Variants in ADGRB1 observed in about 807,000 individuals in gnomAD.
The protein encoded by ADGRB1 is brain-specific angiogenesis inhibitor 1.
In ADGRB1, 36 loss-of-function variants were observed where a neutral mutation model predicts 175.7. The ratio of observed to expected loss-of-function variants is 0.20; its 90% CI spans 0.16 to 0.27. The LOEUF (loss-of-function observed/expected upper bound fraction) is 0.27, where lower values mean the gene tolerates loss of function less well. Ranked by LOEUF, ADGRB1 falls within the 10% of genes least tolerant of loss-of-function variation. The pLI is 1.00. For synonymous variants in ADGRB1, 1,054 were observed against 979.4 expected (o/e 1.08, Z -1.42); for missense variants, 1,731 against 2,255.3 (o/e 0.77, Z 4.71).
At chr8:142,533,596 T>C (rs1563749201) in intron 25 of ADGRB1, 130 bp downstream of exon 25, 5 of 1,103,620 alleles carry the variant, frequency 4.5e-6, no homozygotes, top group East Asian at 2.6e-5. Context: ...CTGACACATC[T>C]GCAGGCCTCG....
chr8:142,474,563 CCTG>C lies in ADGRB1; in HGVS notation c.785-908_785-906del, dbSNP rs1840845085. The stretch of plus-strand genomic sequence containing the variant: ...GGCCCACAGATGGCAGTGGCCCTCT[CCTG>C]CTTTGTGCTCCTCCATGGCTACCCA... On this transcript the variant is annotated intron_variant, in intron 2 of 30. Transcript: ENST00000517894. This position sits in a 1 kb window ranked among gnomAD's most constrained non-coding sequence, Gnocchi z 5.8. Among the ~76,000 whole-genome samples, 1 of 152,180 alleles carries C rather than the reference CCTG, an allele frequency of 6.6e-6. No individual in the cohort carries two copies. The highest frequency in any genetic ancestry group is 1.5e-5 in the Non-Finnish European group (1 of 68,034).
Position 142,542,412 on chromosome 8 carries a change from C to A in ADGRB1, c.4178C>A (p.Pro1393Gln). 6.5e-7 allele frequency: 1 copy of A among 1,539,750 alleles called. No homozygotes were observed. Among genetic ancestry groups the A allele is most frequent in the Non-Finnish European group, 8.7e-7 (1 of 1,143,350 alleles). Residue 1393 changes from proline to glutamine, a missense_variant, in exon 28 of 31, where the codon CCG (proline) becomes CAG (glutamine). By Grantham distance (76) the Pro-to-Gln change is moderately conservative. This residue lies in a region of ADGRB1 where 394 missense variants were observed against 410.2 expected (regional missense o/e 0.96). Coordinates refer to ENST00000517894, the MANE Select transcript of ADGRB1 (RefSeq NM_001702.3). The surrounding 1 kb of genome is among the most constrained non-coding windows in gnomAD (Gnocchi z 6.3). Reference sequence around the variant, plus strand: ...GAGGCCAGCCTCCCCGCCCGCAGCCCGCCCTCCCGCCAGCCCCCCAGCGGC... The same window carrying A: ...GAGGCCAGCCTCCCCGCCCGCAGCCAGCCCTCCCGCCAGCCCCCCAGCGGC... ...APEASLPARSPPSRQPPSGGP... is the reference protein window; with the variant it reads ...APEASLPARSQPSRQPPSGGP...
intron 4 of ADGRB1, 147 bp from the exon 5 acceptor site, chr8:142,476,967 G>A (rs965353346): frequency 3.3e-6 from 4 of 1,212,634 alleles, no homozygotes; most frequent in Non-Finnish European, 3.3e-6. Context: ...CAGTTCTTGA[G>A]ATCAGCCTGG....
At chr8:142,541,248 T>C (rs1225301994) in intron 27 of ADGRB1, among the ~76,000 whole-genome samples, 2 of 151,886 alleles carry the variant, frequency 1.3e-5, no homozygotes, top group Non-Finnish European at 2.9e-5. Context: ...CGCCAGCCAG[T>C]AGGGGCTAGA....
intron 13 of ADGRB1, among the ~76,000 whole-genome samples, chr8:142,485,886 G>C (rs990181715): frequency 2.6e-5 from 4 of 152,190 alleles, no homozygotes; most frequent in Non-Finnish European, 4.4e-5. Context: ...CTCCAGCTCT[G>C]AGTGAGCACC....
chr8:142,479,391 C>T lies in ADGRB1; in HGVS notation c.1630C>T (p.Arg544Ter). 2.0e-6 allele frequency: 3 copies of T among 1,530,414 alleles called. No homozygotes were observed. Among genetic ancestry groups the T allele is most frequent in the Non-Finnish European group, 1.7e-6 (2 of 1,142,960 alleles). The allele number at this position is 1,530,414 out of a possible 1,614,324, so 94.8% of individuals were successfully genotyped here. The change falls in exon 8 of 31, where the codon CGA (arginine) becomes TGA (stop). Residue 544 changes from arginine (R) to a stop codon, truncating the protein, a stop_gained. Coordinates refer to ENST00000517894, the MANE Select transcript of ADGRB1 (RefSeq NM_001702.3). LOFTEE classifies it high-confidence loss of function. Reference sequence around the variant, plus strand: ...CGTCACGTGTGGGGCTGGCAGCCAGCGACGGGAGCGTGTCTGCTCTGGGCC... The same window carrying T: ...CGTCACGTGTGGGGCTGGCAGCCAGTGACGGGAGCGTGTCTGCTCTGGGCC... The part of the protein sequence containing the change: ...CSVTCGAGSQ[R>*]RERVCSGPFF...
rs918312586 is a variant in ADGRB1 at position 142,481,376 on chromosome 8, C to CG, written c.1935+21dup. Reference sequence around the variant, plus strand: ...CCAGATGATGGTGAGGGCCAGTTCCCGGGGGTCTCCAACCCCTCCCCAATC... The same window carrying CG: ...CCAGATGATGGTGAGGGCCAGTTCCCGGGGGGTCTCCAACCCCTCCCCAATC... On this transcript the variant is annotated intron_variant, in intron 10 of 30. Transcript: ENST00000517894. 8.7e-6 allele frequency: 14 copies of CG among 1,612,726 alleles called. No homozygotes were observed. Among genetic ancestry groups the CG allele is most frequent in the East Asian group, 2.2e-5 (1 of 44,860 alleles).
At chr8:142,456,425 G>A (rs1207533748) in intron 1 of ADGRB1, among the ~76,000 whole-genome samples, 2 of 152,160 alleles carry the variant, frequency 1.3e-5, no homozygotes, top group East Asian at 3.9e-4. Context: ...CACCCTGCAC[G>A]TGCACACACT....
In ADGRB1 at chr8:142,510,872, C is replaced by G. The variant is rs1393806281; in HGVS notation, c.2676-60C>G. On this transcript the variant is annotated intron_variant, in intron 17 of 30. Coordinates refer to ENST00000517894, the MANE Select transcript of ADGRB1 (RefSeq NM_001702.3). This position sits in a 1 kb window ranked among gnomAD's most constrained non-coding sequence, Gnocchi z 6.3. ...GCCGCCGCTCGGGGGCCGGGGCGCC[C>G]GCGTCCCCGCCGCCGCTGACGCTCC... 2.1e-6 allele frequency: 2 copies of G among 951,410 alleles called. No individual in the cohort carries two copies. Among genetic ancestry groups the G allele is most frequent in the Non-Finnish European group, 2.5e-6 (2 of 792,922 alleles). 58.9% of individuals were successfully genotyped at this position (951,410 alleles called of 1,614,324 possible). A position where few individuals can be genotyped will look rare whatever the true frequency, so the allele number is the denominator to read the frequency against.
intron 17 of ADGRB1, among the ~76,000 whole-genome samples, chr8:142,507,978 G>A (rs567601092): frequency 6.6e-6 from 1 of 152,142 alleles, no homozygotes; most frequent in East Asian, 1.9e-4. Context: ...GGCCCTCTCG[G>A]TGGGAGATGG....
In ADGRB1 at chr8:142,542,386, C is replaced by T. The variant is rs374403021; in HGVS notation, c.4152C>T (p.Pro1384=). The change falls in exon 28 of 31, where the codon CCC becomes CCT. Residue 1384 remains proline (P), a synonymous_variant. Transcript: ENST00000517894. This position sits in a 1 kb window ranked among gnomAD's most constrained non-coding sequence, Gnocchi z 6.3. ...QTRLIHLSTA[P]EASLPARSPP... is the part of the protein sequence containing the mutation. Reference sequence around the variant, plus strand: ...GCCTCATCCACCTCAGCACGGCCCCCGAGGCCAGCCTCCCCGCCCGCAGCC... The same window carrying T: ...GCCTCATCCACCTCAGCACGGCCCCTGAGGCCAGCCTCCCCGCCCGCAGCC... 33 of 1,562,074 alleles carry T rather than the reference C, an allele frequency of 2.1e-5. 1 individual carries two copies. The highest frequency in any genetic ancestry group is 4.1e-4 in the Middle Eastern group (2 of 4,910).
Position 142,504,065 on chromosome 8 carries a change from C to T in ADGRB1, c.2676-6867C>T, listed in dbSNP as rs1255773773. The stretch of plus-strand genomic sequence containing the variant: ...ATCTGGCAAGCTGGGTTCAGTAAGA[C>T]CCAGGTCAGGCAGGTGTTCAAATGC... On this transcript the variant is annotated intron_variant, in intron 17 of 30. Coordinates refer to ENST00000517894, the MANE Select transcript of ADGRB1 (RefSeq NM_001702.3). This position sits in a 1 kb window ranked among gnomAD's most constrained non-coding sequence, Gnocchi z 5.6. Among the ~76,000 whole-genome samples the T allele has an allele frequency of 6.6e-6, 1 of 152,196 alleles. No homozygotes were observed. The highest frequency in any genetic ancestry group is 2.1e-4 in the South Asian group (1 of 4,832).
chr8:142,491,142 A>G (rs1242737689), intron 17 of ADGRB1, among the ~76,000 whole-genome samples: 4 of 152,206 alleles, frequency 2.6e-5, no homozygotes, highest in Non-Finnish European at 5.9e-5. Context: ...TGGAATCCTG[A>G]CATTCAGGTC....
At chr8:142,523,264 G>T (rs929897880) in intron 22 of ADGRB1, among the ~76,000 whole-genome samples, 1 of 152,170 alleles carries the variant, frequency 6.6e-6, no homozygotes, top group African/African-American at 2.4e-5. Context: ...CGGGTAGGGA[G>T]AAAGGGTCTG....
Position 142,537,130 on chromosome 8 carries a change from C to T in ADGRB1, c.3666+48C>T. 7.3e-7 allele frequency: 1 copy of T among 1,368,238 alleles called. No individual in the cohort carries two copies. 84.8% of individuals were successfully genotyped at this position (1,368,238 alleles called of 1,614,324 possible). A position where few individuals can be genotyped will look rare whatever the true frequency, so the allele number is the denominator to read the frequency against. ...TCAGGCTGCCCTACCTGCCTCGTAC[C>T]CCCGCCAAGTGCCTCCAGGCCCTCA... On this transcript the variant is annotated intron_variant, in intron 26 of 30. Coordinates refer to ENST00000517894, the MANE Select transcript of ADGRB1 (RefSeq NM_001702.3). The surrounding 1 kb of genome is among the most constrained non-coding windows in gnomAD (Gnocchi z 4.6).
At position 142,543,662 on chromosome 8, in the gene ADGRB1, A is replaced by C. The variant is rs1157793623; in HGVS notation, c.4511A>C (p.Gln1504Pro). ...DMFQDLNRKL[Q>P]HAAEKDKEVL... ...TTCCAGGACCTGAACCGGAAGCTGC[A>C]GCACGCAGCGGAGAAGGACAAGGAG... The change falls in exon 30 of 31, where the codon CAG (glutamine) becomes CCG (proline). Residue 1504 changes from glutamine (Q) to proline (P), a missense_variant. By Grantham distance (76) the Gln-to-Pro change is moderately conservative. This residue lies in a region of ADGRB1 where 394 missense variants were observed against 410.2 expected (regional missense o/e 0.96). Coordinates refer to ENST00000517894, the MANE Select transcript of ADGRB1 (RefSeq NM_001702.3). The surrounding 1 kb of genome is among the most constrained non-coding windows in gnomAD (Gnocchi z 4.4). The C allele has an allele frequency of 6.7e-7, 1 of 1,493,496 alleles. No homozygotes were observed. Among genetic ancestry groups the C allele is most frequent in the South Asian group, 1.2e-5 (1 of 84,086 alleles). 92.5% of individuals were successfully genotyped at this position (1,493,496 alleles called of 1,614,324 possible).
rs934351977 is a variant in ADGRB1, at chr8:142,510,092, G to A, written c.2676-840G>A. 1.1e-4 allele frequency among the ~76,000 whole-genome samples: 16 copies of A among 152,138 alleles called. No individual in the cohort carries two copies. The highest frequency in any genetic ancestry group is 1.6e-4 in the Non-Finnish European group (11 of 68,004). On this transcript the variant is annotated intron_variant, in intron 17 of 30. Transcript: ENST00000517894. The surrounding 1 kb of genome is among the most constrained non-coding windows in gnomAD (Gnocchi z 6.3). ...GGAAGAGGAGGCGGAGGAGGAAGAGGAGGAGGTGGAGGAGGAAGAACAGGA... is the reference window on the plus strand; with the variant it reads ...GGAAGAGGAGGCGGAGGAGGAAGAGAAGGAGGTGGAGGAGGAAGAACAGGA...
chr8:142,464,567 G>A lies in ADGRB1; in HGVS notation c.369G>A (p.Val123=), dbSNP rs748268836. 1.6e-5 allele frequency: 24 copies of A among 1,544,690 alleles called. No individual in the cohort carries two copies. The highest frequency in any genetic ancestry group is 2.1e-5 in the Non-Finnish European group (24 of 1,147,758). ...TGGGCGTGGAGAGCTTCGACGAGGT[G>A]CTGCGGCTCTGCGACCCCTCCGCAC... ...TYLGVESFDE[V]LRLCDPSAPL... Residue 123 remains valine (V), a synonymous_variant, in exon 2 of 31, where the codon GTG becomes GTA. Transcript: ENST00000517894.
chr8:142,478,077 C>A (rs1841089240), intron 6 of ADGRB1, 110 bp from the exon 7 acceptor site: 9 of 1,437,010 alleles, frequency 6.3e-6, no homozygotes, highest in Non-Finnish European at 8.5e-6. Flanking sequence ...TCATCTATGT[C>A]CCAGGCTGGG....
Sources: allele counts gnomAD v4.1 joint callset (sites outside exome capture counted in the v4.1 genomes callset), GRCh38; gene constraint gnomAD v4.1.1; regional missense constraint gnomAD v4.1.1; non-coding constraint Gnocchi (gnomAD v3.1); transcripts MANE v1.5; gene names NCBI Gene and HGNC (gene_info 2026-07-23, HGNC 2026-07-21).